Variants in CELF4 observed in about 807,000 individuals in gnomAD.
CELF4 encodes CUGBP Elav-like family member 4.
A neutral mutation model predicts 59.9 loss-of-function variants in CELF4; 18 were observed. The ratio of observed to expected loss-of-function variants is 0.30; its 90% CI spans 0.21 to 0.45. The LOEUF (loss-of-function observed/expected upper bound fraction) is 0.45, where lower values mean the gene tolerates loss of function less well. Ranked by LOEUF, CELF4 falls within the 20% of genes least tolerant of loss-of-function variation. The pLI is 1.00. For synonymous variants in CELF4, 261 were observed against 267.1 expected (o/e 0.98, Z 0.22); for missense variants, 456 against 689.0 (o/e 0.66, Z 3.79).
At chr18:37,353,157 G>T (rs534489876) in intron 2 of CELF4, among the ~76,000 whole-genome samples, 4 of 148,190 alleles carry the variant, frequency 2.7e-5, no homozygotes, top group African/African-American at 1.0e-4. Flanking sequence ...GGAGGCGGAA[G>T]TTGCAGTGAG....
intron 2 of CELF4, among the ~76,000 whole-genome samples, chr18:37,360,733 G>T (rs1341512344): frequency 1.3e-5 from 2 of 152,108 alleles, no homozygotes; most frequent in Non-Finnish European, 2.9e-5. Flanking sequence ...TTCTGTACAG[G>T]CATCTGCAGA....
chr18:37,476,116 G>T (rs762677049), intron 2 of CELF4, among the ~76,000 whole-genome samples: 17 of 152,236 alleles, frequency 1.1e-4, no homozygotes, highest in Non-Finnish European at 2.1e-4. Flanking sequence ...ATACAACTTG[G>T]ATGATTTCTA....
intron 2 of CELF4, among the ~76,000 whole-genome samples, chr18:37,346,641 G>A (rs2098270318): frequency 6.6e-6 from 1 of 152,180 alleles, no homozygotes; most frequent in African/African-American, 2.4e-5. Context: ...CAGTTAAATG[G>A]GCAGTTGGAG....
At chr18:37,542,974 C>A (rs1390640319) in intron 1 of CELF4, among the ~76,000 whole-genome samples, 1 of 151,980 alleles carries the variant, frequency 6.6e-6, no homozygotes, top group Non-Finnish European at 1.5e-5. Flanking sequence ...TGGTTAGAGC[C>A]CAATACTGAT....
At chr18:37,316,210 C>A (rs1437957084) in intron 3 of CELF4, among the ~76,000 whole-genome samples, 3 of 152,272 alleles carry the variant, frequency 2.0e-5, no homozygotes, top group African/African-American at 7.2e-5. Context: ...ATCATCACCT[C>A]TGAGGGGGCC....
intron 3 of CELF4, among the ~76,000 whole-genome samples, chr18:37,292,843 T>C (rs1223834985): frequency 6.6e-6 from 1 of 152,228 alleles, no homozygotes; most frequent in Admixed American, 6.5e-5. Context: ...ATATAATTAA[T>C]TAACAAAATA....
chr18:37,505,184 C>T (rs570610535), intron 1 of CELF4, among the ~76,000 whole-genome samples: 55 of 152,102 alleles, frequency 3.6e-4, no homozygotes, highest in African/African-American at 1.1e-3. Context: ...ACTGGTGTCT[C>T]GCATGGCTGA....
chr18:37,306,897 G>A (rs976341666), intron 3 of CELF4, among the ~76,000 whole-genome samples: 1 of 152,328 alleles, frequency 6.6e-6, no homozygotes, highest in Admixed American at 6.5e-5. Flanking sequence ...CGAGATTGCC[G>A]AAGCAAATTC....
chr18:37,413,931 G>A (rs1192384968), intron 2 of CELF4, among the ~76,000 whole-genome samples: 1 of 152,110 alleles, frequency 6.6e-6, no homozygotes, highest in Non-Finnish European at 1.5e-5. Context: ...GTAGGGTGAG[G>A]GGCCACATTA....
rs1266456566 is a variant in CELF4, at chr18:37,275,230, G to A, written c.462C>T (p.Leu154=). Residue 154 remains leucine (L), a synonymous_variant, in exon 4 of 13, where the codon CTC becomes CTT. Transcript: ENST00000420428. The part of the protein sequence containing the change: ...LRQPPSQDRK[L]FVGMLNKQQS... ...GTTGCTTGTTGAGCATGCCCACGAA[G>A]AGTTTTCTATCTTCTAGAACAAAAT... 3 of 1,613,432 alleles carry A rather than the reference G, an allele frequency of 1.9e-6. No homozygotes were observed. The highest frequency in any genetic ancestry group is 2.5e-6 in the Non-Finnish European group (3 of 1,179,856).
intron 2 of CELF4, among the ~76,000 whole-genome samples, chr18:37,403,217 C>T (rs930987264): frequency 2.6e-5 from 4 of 152,038 alleles, no homozygotes; most frequent in East Asian, 1.9e-4. Context: ...AACACAGTCC[C>T]GGGACAGCAC....
At chr18:37,515,405 G>T (rs2099949527) in intron 1 of CELF4, among the ~76,000 whole-genome samples, 2 of 152,168 alleles carry the variant, frequency 1.3e-5, no homozygotes. Context: ...TTTCCTTGAG[G>T]ATCCCATCCT....
intron 2 of CELF4, among the ~76,000 whole-genome samples, chr18:37,401,353 G>A (rs2154581090): frequency 6.6e-6 from 1 of 152,334 alleles, no homozygotes; most frequent in South Asian, 2.1e-4. Context: ...CCTACTGTGT[G>A]GAGGCCCTGT....
At chr18:37,249,670 G>C (rs1176235638) in intron 12 of CELF4, among the ~76,000 whole-genome samples, 5 of 152,096 alleles carry the variant, frequency 3.3e-5, no homozygotes, top group Non-Finnish European at 7.3e-5. Context: ...CTGCCTGCAG[G>C]GTGACCCCTT....
intron 2 of CELF4, among the ~76,000 whole-genome samples, chr18:37,359,872 A>C (rs2098673762): frequency 6.8e-6 from 1 of 146,926 alleles, no homozygotes; most frequent in South Asian, 2.2e-4. Flanking sequence ...TGGAGATGGA[A>C]TCTTGCTTGC....
intron 2 of CELF4, among the ~76,000 whole-genome samples, chr18:37,407,565 ATATGTGTGTG>A (rs2099398273): frequency 6.7e-6 from 1 of 150,010 alleles, no homozygotes; most frequent in African/African-American, 2.4e-5. Flanking sequence ...ATGTGTATAT[ATATGTGTGTG>A]TATGTGTGTG....
At chr18:37,313,797 G>C (rs1484691909) in intron 3 of CELF4, among the ~76,000 whole-genome samples, 1 of 152,264 alleles carries the variant, frequency 6.6e-6, no homozygotes, top group Non-Finnish European at 1.5e-5. Context: ...GAGGGGCCAG[G>C]AGGATGCAAT....
At chr18:37,325,376 G>A (rs372282133) in intron 2 of CELF4, among the ~76,000 whole-genome samples, 33 of 152,300 alleles carry the variant, frequency 2.2e-4, no homozygotes, top group African/African-American at 7.9e-4. Flanking sequence ...GGATTCGCCT[G>A]GCCAGGATAG....
intron 1 of CELF4, among the ~76,000 whole-genome samples, chr18:37,518,089 C>T (rs2154604544): frequency 6.6e-6 from 1 of 152,230 alleles, no homozygotes; most frequent in East Asian, 1.9e-4. Context: ...CAGCAAGGCT[C>T]CCTCTTTCCT....
Sources: gnomAD v4.1 joint callset for allele counts (sites outside exome capture counted in the v4.1 genomes callset) on GRCh38, gnomAD v4.1.1 for gene constraint, MANE v1.5 for transcripts, NCBI Gene and HGNC (gene_info 2026-07-23, HGNC 2026-07-21) for gene names.